The following ZNRF1 variants were observed in gnomAD, a reference collection of about 807,000 sequenced individuals.
ZNRF1 encodes E3 ubiquitin-protein ligase ZNRF1.
Under a neutral mutation model 18.4 loss-of-function variants are expected in ZNRF1, and 3 were observed. The observed-to-expected ratio is 0.16, with a 90% CI of 0.07 to 0.42. ZNRF1 has a LOEUF of 0.42. ZNRF1 is among the 10% of genes least tolerant of loss of function. The pLI is 0.99. For missense variants in ZNRF1, 310 were observed against 329.8 expected, an observed-to-expected ratio of 0.94 and a Z score of 0.47; for synonymous variants, 157 against 144.2, an observed-to-expected ratio of 1.09 and a Z score of -0.64.
intron 1 of ZNRF1, among the ~76,000 whole-genome samples, chr16:75,090,675 G>C (rs2145419174): frequency 6.6e-6 from 1 of 152,250 alleles, no homozygotes; most frequent in South Asian, 2.1e-4. Context: ...AAAGAGGTTG[G>C]GGAAATGGCG....
At chr16:75,077,255 G>T (rs2035950639) in intron 1 of ZNRF1, among the ~76,000 whole-genome samples, 1 of 152,174 alleles carries the variant, frequency 6.6e-6, no homozygotes, top group Non-Finnish European at 1.5e-5. Context: ...AGCTGGGGCT[G>T]GGCGCGGTGG....
chr16:75,079,083 G>GTAGC (rs2035978880), intron 1 of ZNRF1, among the ~76,000 whole-genome samples: 1 of 152,164 alleles, frequency 6.6e-6, no homozygotes, highest in Admixed American at 6.5e-5. Flanking sequence ...AAGCAATATG[G>GTAGC]TAGCATACTT....
intron 1 of ZNRF1, among the ~76,000 whole-genome samples, chr16:75,047,405 A>G (rs2035529393): frequency 1.3e-5 from 2 of 152,204 alleles, no homozygotes; most frequent in Admixed American, 6.5e-5. Context: ...ACTCCTGGCT[A>G]CAAGCAGGCC....
chr16:75,053,373 G>T (rs550421950), intron 1 of ZNRF1, among the ~76,000 whole-genome samples: 10 of 152,216 alleles, frequency 6.6e-5, no homozygotes, highest in African/African-American at 2.4e-4. Context: ...TGGATCACCT[G>T]AGGTCAGGAG....
intron 1 of ZNRF1, among the ~76,000 whole-genome samples, chr16:75,046,235 GA>G (rs954029011): frequency 2.0e-5 from 3 of 150,034 alleles, no homozygotes; most frequent in African/African-American, 7.4e-5. Flanking sequence ...AGGCCTCAAT[GA>G]GTTGGGTGTT....
chr16:75,063,050 G>A (rs191452648), intron 1 of ZNRF1, among the ~76,000 whole-genome samples: 2 of 152,290 alleles, frequency 1.3e-5, no homozygotes, highest in East Asian at 3.9e-4. Flanking sequence ...CTTTTCAGAG[G>A]CTTTATAATG....
intron 2 of ZNRF1, among the ~76,000 whole-genome samples, chr16:75,097,848 G>A (rs1376785951): frequency 2.0e-5 from 3 of 152,110 alleles, no homozygotes; most frequent in African/African-American, 7.2e-5. Flanking sequence ...AATGTGAGAG[G>A]ACCTGGCTTC....
intron 1 of ZNRF1, among the ~76,000 whole-genome samples, chr16:75,070,033 C>T (rs534072457): frequency 1.3e-5 from 2 of 152,306 alleles, no homozygotes; most frequent in African/African-American, 4.8e-5. Context: ...AGAGAGTAAA[C>T]CCTTTAAAAA....
chr16:75,032,692 AC>A (rs1157934678), intron 1 of ZNRF1, among the ~76,000 whole-genome samples: 5 of 152,194 alleles, frequency 3.3e-5, no homozygotes, highest in Admixed American at 2.6e-4. Flanking sequence ...AAAATGTCTT[AC>A]AACTCAACAA....
chr16:75,010,002 A>T (rs2034972864), intron 1 of ZNRF1, among the ~76,000 whole-genome samples: 1 of 151,874 alleles, frequency 6.6e-6, no homozygotes, highest in Non-Finnish European at 1.5e-5. Flanking sequence ...TTTTCTTTTG[A>T]TACGGAGTTT....
At chr16:75,017,467 C>A (rs28620575) in intron 1 of ZNRF1, among the ~76,000 whole-genome samples, 1 of 152,166 alleles carries the variant, frequency 6.6e-6, no homozygotes, top group East Asian at 1.9e-4. Flanking sequence ...TCCCAGAATT[C>A]TCAAAGGTTA....
chr16:75,034,155 T>TCAAAAA (rs2035346637), intron 1 of ZNRF1, among the ~76,000 whole-genome samples: 1 of 152,182 alleles, frequency 6.6e-6, no homozygotes, highest in South Asian at 2.1e-4. Context: ...AGGCTCCGTC[T>TCAAAAA]CAAAAACAAA....
At chr16:75,053,678 A>T (rs1019081053) in intron 1 of ZNRF1, among the ~76,000 whole-genome samples, 12 of 152,024 alleles carry the variant, frequency 7.9e-5, no homozygotes, top group Admixed American at 7.9e-4. Context: ...CCCATGATAG[A>T]TGTGCCCCAT....
chr16:75,060,718 T>A (rs2035732003), intron 1 of ZNRF1, among the ~76,000 whole-genome samples: 1 of 151,464 alleles, frequency 6.6e-6, no homozygotes, highest in Non-Finnish European at 1.5e-5. Flanking sequence ...CCTCAAGTGA[T>A]CCACTTGCCT....
chr16:75,019,899 G>A (rs1373494927), intron 1 of ZNRF1, among the ~76,000 whole-genome samples: 1 of 151,944 alleles, frequency 6.6e-6, no homozygotes, highest in African/African-American at 2.4e-5. Flanking sequence ...TAATTTTTGT[G>A]TTTTTTATAG....
At chr16:75,076,269 C>T (rs957815721) in intron 1 of ZNRF1, among the ~76,000 whole-genome samples, 4 of 152,160 alleles carry the variant, frequency 2.6e-5, no homozygotes, top group Admixed American at 2.0e-4. Flanking sequence ...TAAGCCCAAA[C>T]ACTTTTGACA....
At position 74,999,513 on chromosome 16, in the gene ZNRF1, G is replaced by GTTTTTTCC; in HGVS notation, c.-146_-139dup. The GTTTTTTCC allele has an allele frequency of 1.9e-6, 1 of 513,692 alleles. No individual in the cohort carries two copies. 31.8% of individuals were successfully genotyped at this position (513,692 alleles called of 1,614,324 possible). On this transcript the variant is annotated 5_prime_UTR_variant, in exon 1 of 5. Transcript: ENST00000335325. ...CCCGCCTGCCTCTTCCGCCCCGCGG[G>GTTTTTTCC]TTTTTTCCTTTTTTCCTTTTGCTTT...
rs117462265 is a variant in ZNRF1 at position 75,057,235 on chromosome 16, G to A, written c.425-36337G>A. ...TCCATTGTAGTTCACGTGCTTGTTT[G>A]TTGCTTATTCATGCCAGATTTCTAA... On this transcript the variant is annotated intron_variant, in intron 1 of 4. Transcript: ENST00000335325. Among the ~76,000 whole-genome samples, 28 of 152,270 alleles carry A rather than the reference G, an allele frequency of 1.8e-4. No homozygotes were observed. In the East Asian group the frequency reaches 5.0e-3, roughly 27 times the overall value.
chr16:75,059,018 ATC>A (rs1206620417), intron 1 of ZNRF1, among the ~76,000 whole-genome samples: 6 of 152,090 alleles, frequency 3.9e-5, no homozygotes, highest in Non-Finnish European at 8.8e-5. Flanking sequence ...CTGTGTGAGC[ATC>A]TGGGAGCAGT....
Sources: allele counts gnomAD v4.1 joint callset (sites outside exome capture counted in the v4.1 genomes callset), GRCh38; gene constraint gnomAD v4.1.1; transcripts MANE v1.5; gene names NCBI Gene and HGNC (gene_info 2026-07-23, HGNC 2026-07-21).